Variants in RNF157 observed in about 807,000 individuals in gnomAD.
RNF157 encodes the protein E3 ubiquitin ligase RNF157.
In RNF157, 55 loss-of-function variants were observed where a neutral mutation model predicts 88.3. That is an observed-to-expected ratio of 0.62 (90% CI 0.50 to 0.78). The LOEUF (loss-of-function observed/expected upper bound fraction) is 0.78, where lower values mean the gene tolerates loss of function less well. Among genes scored for constraint, RNF157 ranks in the 30% least tolerant of loss-of-function variants. The probability of loss-of-function intolerance (pLI) is 0.00; values close to 1 mark genes in which losing one functional copy is unlikely to be tolerated. For missense variants in RNF157, 788 were observed against 860.8 expected (o/e 0.92, Z 1.06); for synonymous variants, 334 against 341.2 (o/e 0.98, Z 0.23).
intron 1 of RNF157, among the ~76,000 whole-genome samples, chr17:76,218,942 A>T (rs970469653): frequency 2.6e-4 from 39 of 151,450 alleles, no homozygotes; most frequent in Admixed American, 3.3e-4. Context: ...TCAAAAAAAT[A>T]AAAAAAAATA....
At chr17:76,198,222 G>C (rs1271396094) in intron 2 of RNF157, among the ~76,000 whole-genome samples, 1 of 152,218 alleles carries the variant, frequency 6.6e-6, no homozygotes, top group Admixed American at 6.5e-5. Flanking sequence ...GGATGTGTGG[G>C]AGGGGTTCCT....
rs1027099151 is a variant in RNF157, at chr17:76,160,771, G to C, written c.1065+764C>G. ...TTAGGTGGTAAAATGTATGGTTCTT[G>C]CTTTCAAGCTTAGAGAATCCTTTCC... On this transcript the variant is annotated intron_variant, in intron 11 of 18. Coordinates refer to ENST00000269391, the MANE Select transcript of RNF157 (RefSeq NM_052916.3). The surrounding 1 kb of genome is among the most constrained non-coding windows in gnomAD (Gnocchi z 4.3). Among the ~76,000 whole-genome samples the C allele has an allele frequency of 3.2e-4, 49 of 152,092 alleles. No homozygotes were observed. The highest frequency in any genetic ancestry group is 1.2e-3 in the African/African-American group (49 of 41,422).
chr17:76,233,208 C>T (rs2070224937), intron 1 of RNF157, among the ~76,000 whole-genome samples: 1 of 152,174 alleles, frequency 6.6e-6, no homozygotes, highest in African/African-American at 2.4e-5. Flanking sequence ...GCGTGAGCCA[C>T]CGTGCCTGGC....
chr17:76,148,640 G>A (rs1398684793), intron 18 of RNF157, among the ~76,000 whole-genome samples: 1 of 147,814 alleles, frequency 6.8e-6, no homozygotes, highest in Non-Finnish European at 1.5e-5. Flanking sequence ...GTGTGATCTT[G>A]ACTCCCTGCA....
chr17:76,177,027 T>TGGCCCA (rs1278278392), intron 2 of RNF157, among the ~76,000 whole-genome samples: 8 of 151,950 alleles, frequency 5.3e-5, no homozygotes, highest in Admixed American at 2.0e-4. Context: ...GCAGATGGCC[T>TGGCCCA]GGCCCAGGCC....
At chr17:76,196,913 A>G (rs1162242131) in intron 2 of RNF157, among the ~76,000 whole-genome samples, 1 of 152,102 alleles carries the variant, frequency 6.6e-6, no homozygotes, top group Non-Finnish European at 1.5e-5. Flanking sequence ...ACCAGGCCAA[A>G]ATGGGTCTTG....
chr17:76,189,681 G>A (rs1328894344), intron 2 of RNF157, among the ~76,000 whole-genome samples: 2 of 152,134 alleles, frequency 1.3e-5, no homozygotes, highest in African/African-American at 4.8e-5. Context: ...TGCAGGAAAC[G>A]GTTTCCATCC....
rs760685040 is a variant in RNF157 at position 76,158,376 on chromosome 17, A to G, written c.1413+17T>C. 6 of 1,552,578 alleles carry G rather than the reference A, an allele frequency of 3.9e-6. No individual in the cohort carries two copies. In the South Asian group the frequency reaches 6.7e-5, roughly 17 times the overall value. ...CTGGAGTACAACACCCAAGAAGAGG[A>G]GAGGAATGTCAATTACCTCTCCGAG... On this transcript the variant is annotated intron_variant, in intron 13 of 18. Transcript: ENST00000269391.
chr17:76,232,666 C>T (rs1215247189), intron 1 of RNF157, among the ~76,000 whole-genome samples: 1 of 152,202 alleles, frequency 6.6e-6, no homozygotes, highest in African/African-American at 2.4e-5. Context: ...GTTTAAGACA[C>T]TGTCCAACTT....
rs370701115 is a variant in RNF157 at position 76,161,496 on chromosome 17, A to T, written c.1065+39T>A. Reference sequence around the variant, plus strand: ...AAAAGTTTAAAAAAGCCAATGAGGCATTTGCTTCAGAGGGGCCGTGGTTCC... The same window carrying T: ...AAAAGTTTAAAAAAGCCAATGAGGCTTTTGCTTCAGAGGGGCCGTGGTTCC... On this transcript the variant is annotated intron_variant, in intron 11 of 18. Transcript: ENST00000269391. The surrounding 1 kb of genome is among the most constrained non-coding windows in gnomAD (Gnocchi z 4.6). 3.4e-6 allele frequency: 5 copies of T among 1,474,920 alleles called. No homozygotes were observed. Among genetic ancestry groups the T allele is most frequent in the Non-Finnish European group, 4.7e-6 (5 of 1,053,132 alleles). The allele number at this position is 1,474,920 out of a possible 1,614,324, so 91.4% of individuals were successfully genotyped here. A position where few individuals can be genotyped will look rare whatever the true frequency, so the allele number is the denominator to read the frequency against.
rs144766153 is a variant in RNF157, at chr17:76,160,654, T to C, written c.1065+881A>G. 6.5e-3 allele frequency among the ~76,000 whole-genome samples: 995 copies of C among 152,324 alleles called. 7 individuals carry two copies. The highest frequency in any genetic ancestry group is 0.022 in the African/African-American group (932 of 41,568). On this transcript the variant is annotated intron_variant, in intron 11 of 18. Coordinates refer to ENST00000269391, the MANE Select transcript of RNF157 (RefSeq NM_052916.3). This position sits in a 1 kb window ranked among gnomAD's most constrained non-coding sequence, Gnocchi z 4.3. ...GCAAAGACATTAGCTTTTCCTCTGA[T>C]ACACACATTGTAAATAGTTTTTAAA...
rs1568024898 is a variant in RNF157 at position 76,155,657 on chromosome 17, TGGA to T, written c.1600_1602del (p.Ser534del). ...CCAGGGGCGATGTAGGAGCCAGACA[TGGA>T]GGAGACGGTGTCAGTGCTGATCTGG... is the stretch of plus-strand genomic sequence containing the variant. On this transcript the variant is annotated inframe_deletion, in exon 15 of 19. Transcript: ENST00000269391. 6.2e-7 allele frequency: 1 copy of T among 1,613,798 alleles called. No homozygotes were observed. The highest frequency in any genetic ancestry group is 8.5e-7 in the Non-Finnish European group (1 of 1,179,900).
chr17:76,155,174 C>T (rs371701536), intron 16 of RNF157, 78 bp downstream of exon 16: 36 of 1,296,830 alleles, frequency 2.8e-5, no homozygotes, highest in Middle Eastern at 1.9e-4. Context: ...TGGCCCTGGT[C>T]CTTACTGGCA....
chr17:76,210,344 A>AG (rs2069762894), intron 2 of RNF157, among the ~76,000 whole-genome samples: 1 of 151,992 alleles, frequency 6.6e-6, no homozygotes, highest in East Asian at 2.0e-4. Flanking sequence ...CTGTAATCCC[A>AG]GCACTTTGGG....
Position 76,240,217 on chromosome 17 carries a change from C to T in RNF157, c.24G>A (p.Gln8=). The change falls in exon 1 of 19, where the codon CAG becomes CAA. Residue 8 remains glutamine (Q), a synonymous_variant. Coordinates refer to ENST00000269391, the MANE Select transcript of RNF157 (RefSeq NM_052916.3). This position sits in a 1 kb window ranked among gnomAD's most constrained non-coding sequence, Gnocchi z 4.4. The part of the protein sequence containing the change: MGALTSR[Q]HAGVEEVDIP... Reference sequence around the variant, plus strand: ...TGTCCACCTCCTCCACGCCCGCGTGCTGCCGGCTCGTCAGGGCCCCCATGG... The same window carrying T: ...TGTCCACCTCCTCCACGCCCGCGTGTTGCCGGCTCGTCAGGGCCCCCATGG... 7.2e-7 allele frequency: 1 copy of T among 1,392,690 alleles called. No homozygotes were observed. The highest frequency in any genetic ancestry group is 1.7e-5 in the South Asian group (1 of 58,044). The allele number at this position is 1,392,690 out of a possible 1,614,324, so 86.3% of individuals were successfully genotyped here.
chr17:76,165,660 A>AG, intron 6 of RNF157, 115 bp from the exon 7 acceptor site: 1 of 1,102,864 alleles, frequency 9.1e-7, no homozygotes, highest in Non-Finnish European at 1.4e-6. Flanking sequence ...TGTCTCTAGA[A>AG]GGGGCACGTT....
intron 11 of RNF157, 50 bp from the exon 12 acceptor site, chr17:76,159,623 T>C (rs765156765): frequency 1.2e-4 from 156 of 1,317,794 alleles, no homozygotes; most frequent in Non-Finnish European, 1.6e-4. Context: ...CTTTTTGTTT[T>C]ATGACGTGAT....
At chr17:76,208,317 C>A (rs1301537932) in intron 2 of RNF157, among the ~76,000 whole-genome samples, 3 of 152,194 alleles carry the variant, frequency 2.0e-5, no homozygotes, top group African/African-American at 7.2e-5. Flanking sequence ...TCTGAGTACA[C>A]CTGGCCTAAT....
intron 2 of RNF157, among the ~76,000 whole-genome samples, chr17:76,211,141 G>A (rs1258297922): frequency 6.6e-6 from 1 of 152,134 alleles, no homozygotes; most frequent in African/African-American, 2.4e-5. Context: ...TTCCTTATTT[G>A]TTCCAGGGAA....
Sources: allele counts gnomAD v4.1 joint callset (sites outside exome capture counted in the v4.1 genomes callset), GRCh38; gene constraint gnomAD v4.1.1; non-coding constraint Gnocchi (gnomAD v3.1); transcripts MANE v1.5; gene names NCBI Gene and HGNC (gene_info 2026-07-23, HGNC 2026-07-21).